Variants in DCC observed in about 807,000 individuals in gnomAD.
DCC encodes DCC netrin 1 receptor, also known as netrin receptor DCC.
DCC carries 58 observed loss-of-function variants against 172.5 expected under a neutral mutation model. The ratio of observed to expected loss-of-function variants is 0.34; its 90% CI spans 0.27 to 0.42. The LOEUF is 0.42. DCC is among the 10% of genes least tolerant of loss of function. The pLI, the probability that DCC is intolerant of heterozygous loss-of-function variation, is 1.00. For synonymous variants in DCC, 709 were observed against 644.5 expected (o/e 1.10, Z -1.52); for missense variants, 1,740 against 1,791.0 (o/e 0.97, Z 0.51).
intron 14 of DCC, among the ~76,000 whole-genome samples, chr18:53,326,378 T>C (rs1357722743): frequency 6.6e-6 from 1 of 152,194 alleles, no homozygotes; most frequent in Non-Finnish European, 1.5e-5. Flanking sequence ...TGTAAAAAAT[T>C]GATAATACCA....
At chr18:52,836,093 C>T (rs1230580829) in intron 2 of DCC, among the ~76,000 whole-genome samples, 1 of 152,146 alleles carries the variant, frequency 6.6e-6, no homozygotes, top group Non-Finnish European at 1.5e-5. Context: ...AGGGGGAAGC[C>T]TGTTATAAAG....
At chr18:53,369,734 G>GA (rs1423953141) in intron 15 of DCC, among the ~76,000 whole-genome samples, 1 of 151,738 alleles carries the variant, frequency 6.6e-6, no homozygotes, top group Non-Finnish European at 1.5e-5. Flanking sequence ...TGACGTGGTG[G>GA]TTTTTCTTCA....
intron 7 of DCC, among the ~76,000 whole-genome samples, chr18:53,094,009 A>G (rs917120193): frequency 2.0e-5 from 3 of 152,210 alleles, no homozygotes; most frequent in Non-Finnish European, 4.4e-5. Context: ...GTGCTTTAAA[A>G]AAAGTCGTCA....
chr18:53,061,325 ACT>A (rs1406757437), intron 5 of DCC, among the ~76,000 whole-genome samples: 1 of 151,136 alleles, frequency 6.6e-6, no homozygotes, highest in African/African-American at 2.4e-5. Context: ...TTCTATTCCT[ACT>A]CTCTCTTTCT....
At chr18:53,513,036 A>G (rs2046278335) in intron 27 of DCC, among the ~76,000 whole-genome samples, 1 of 152,194 alleles carries the variant, frequency 6.6e-6, no homozygotes. Context: ...GAAATGAAGG[A>G]AAAAATGTTA....
chr18:53,410,421 C>A, intron 19 of DCC, 31 bp from the exon 20 acceptor site: 7 of 1,444,368 alleles, frequency 4.8e-6, no homozygotes, highest in Non-Finnish European at 6.8e-6. Context: ...TGTAGGACAC[C>A]AAATTAAGTC....
intron 1 of DCC, among the ~76,000 whole-genome samples, chr18:52,664,692 C>A (rs1029416240): frequency 6.6e-6 from 1 of 151,804 alleles, no homozygotes; most frequent in African/African-American, 2.4e-5. Flanking sequence ...AGGATGGTCT[C>A]GATCTCCTGA....
intron 23 of DCC, among the ~76,000 whole-genome samples, chr18:53,452,782 T>C (rs1040678741): frequency 6.6e-6 from 1 of 152,222 alleles, no homozygotes; most frequent in Non-Finnish European, 1.5e-5. Context: ...CATATCTTTC[T>C]TCAGTAGCAG....
intron 11 of DCC, among the ~76,000 whole-genome samples, chr18:53,211,265 C>A (rs2055747996): frequency 6.6e-6 from 1 of 152,142 alleles, no homozygotes; most frequent in African/African-American, 2.4e-5. Flanking sequence ...CTAAAATTTT[C>A]CCTACTTTAC....
chr18:52,963,513 T>C (rs989643445), intron 5 of DCC, among the ~76,000 whole-genome samples: 2 of 152,112 alleles, frequency 1.3e-5, no homozygotes, highest in African/African-American at 4.8e-5. Flanking sequence ...TGCCTGAACA[T>C]GCACAGGAGT....
At chr18:53,065,525 T>C (rs890040261) in intron 6 of DCC, among the ~76,000 whole-genome samples, 1 of 152,184 alleles carries the variant, frequency 6.6e-6, no homozygotes, top group African/African-American at 2.4e-5. Context: ...AAAGCTTATA[T>C]GTCAAAGCCA....
At chr18:52,867,843 T>G (rs182424279) in intron 2 of DCC, among the ~76,000 whole-genome samples, 16 of 152,240 alleles carry the variant, frequency 1.1e-4, no homozygotes, top group African/African-American at 3.1e-4. Flanking sequence ...TGCAGGAGAT[T>G]CTAAGTAGGC....
chr18:52,911,681 C>G (rs1040624750), intron 3 of DCC, among the ~76,000 whole-genome samples: 2 of 151,810 alleles, frequency 1.3e-5, no homozygotes, highest in Non-Finnish European at 2.9e-5. Context: ...CGGAAGTGAA[C>G]AGCACATTAG....
At chr18:52,705,648 A>G (rs776102476) in intron 1 of DCC, among the ~76,000 whole-genome samples, 3 of 152,192 alleles carry the variant, frequency 2.0e-5, no homozygotes, top group Non-Finnish European at 4.4e-5. Context: ...CTAGAGATCT[A>G]AAAACACAGA....
intron 1 of DCC, among the ~76,000 whole-genome samples, chr18:52,529,921 AG>A (rs2032097575): frequency 2.0e-5 from 3 of 152,202 alleles, no homozygotes; most frequent in Non-Finnish European, 4.4e-5. Context: ...TCTGGAAAAA[AG>A]TACCATGGTT....
intron 1 of DCC, among the ~76,000 whole-genome samples, chr18:52,628,672 A>G (rs1038472094): frequency 2.0e-5 from 3 of 152,220 alleles, no homozygotes; most frequent in Non-Finnish European, 2.9e-5. Context: ...CTGGGAGAAC[A>G]GAGGCCTGCA....
chr18:53,386,143 G>C lies in DCC; in HGVS notation c.2455+5G>C, dbSNP rs1477186337. On this transcript the variant is annotated splice_donor_5th_base_variant and intron_variant, in intron 16 of 28. Coordinates refer to ENST00000442544, the MANE Select transcript of DCC (RefSeq NM_005215.4). ...CCACCACCAGGTCTATAACCGGTAA[G>C]TGAAATTGTTAATCTTCCTCTGACA... 21 of 1,565,038 alleles carry C rather than the reference G, an allele frequency of 1.3e-5. No homozygotes were observed. The highest frequency in any genetic ancestry group is 1.8e-5 in the Non-Finnish European group (21 of 1,135,336).
intron 2 of DCC, among the ~76,000 whole-genome samples, chr18:52,811,556 A>G (rs2038199643): frequency 1.3e-5 from 2 of 152,134 alleles, no homozygotes. Flanking sequence ...GGATTGAGTA[A>G]AATTTTCATA....
intron 1 of DCC, among the ~76,000 whole-genome samples, chr18:52,537,169 C>T (rs1326097451): frequency 6.6e-6 from 1 of 152,156 alleles, no homozygotes; most frequent in Admixed American, 6.5e-5. Flanking sequence ...AAACATCTCA[C>T]ATCTAGAGGA....
Sources: gnomAD v4.1 joint callset for allele counts (sites outside exome capture counted in the v4.1 genomes callset) on GRCh38, gnomAD v4.1.1 for gene constraint, MANE v1.5 for transcripts, NCBI Gene and HGNC (gene_info 2026-07-23, HGNC 2026-07-21) for gene names.